The following GCNA variants were observed in gnomAD, a reference collection of about 807,000 sequenced individuals.
The protein encoded by GCNA is germ cell nuclear acidic peptidase.
GCNA carries 3 observed loss-of-function variants against 38.8 expected under a neutral mutation model. That is an observed-to-expected ratio of 0.08 (90% CI 0.04 to 0.20). GCNA has a LOEUF of 0.20. GCNA is among the 10% of genes least tolerant of loss of function. GCNA has a pLI of 1.00. For synonymous variants in GCNA, 195 were observed against 240.2 expected (o/e 0.81, Z 1.74); for missense variants, 446 against 578.6 (o/e 0.77, Z 2.35).
intron 1 of GCNA, among the ~76,000 whole-genome samples, chrX:71,578,881 G>A (rs767206675): frequency 1.9e-5 from 2 of 107,765 alleles, no homozygotes; most frequent in African/African-American, 3.4e-5. Flanking sequence ...TGGTGGTGGC[G>A]TAGAAGGAGG....
Position 71,610,800 on chromosome X carries a change from G to A in GCNA, c.1731G>A (p.Leu577=), listed in dbSNP as rs752038438. ...WRRFAKIQIG[L]KVCDSADRIR... is the part of the protein sequence containing the mutation. Reference sequence around the variant, plus strand: ...GCTTTGCCAAGATCCAGATTGGCTTGAAAGTCTGCGACTCTGCAGGTGATG... The same window carrying A: ...GCTTTGCCAAGATCCAGATTGGCTTAAAAGTCTGCGACTCTGCAGGTGATG... The change falls in exon 11 of 13, where the codon TTG becomes TTA. Residue 577 remains leucine (L), a synonymous_variant. Coordinates refer to ENST00000373696, the MANE Select transcript of GCNA (RefSeq NM_052957.5). 11 of 1,210,163 alleles carry A rather than the reference G, an allele frequency of 9.1e-6. No homozygotes were observed. The highest frequency in any genetic ancestry group is 1.1e-5 in the Non-Finnish European group (10 of 894,857).
intron 2 of GCNA, among the ~76,000 whole-genome samples, chrX:71,584,126 G>T (rs2040567349): frequency 9.0e-6 from 1 of 111,582 alleles, no homozygotes. Flanking sequence ...GGGATTACAG[G>T]TGTGAGCCAC....
chrX:71,612,471 A>G lies in GCNA; in HGVS notation c.1867A>G (p.Ile623Val). The change falls in exon 12 of 13, where the codon ATA becomes GTA. Residue 623 changes from isoleucine (I) to valine (V), a missense_variant. Ile to Val is a conservative substitution (Grantham distance 29). Transcript: ENST00000373696. ...GTATTATGCCAGGAAATCCAACAGG[A>G]TACACCCGGAGCTGCCCAGGGTCAC... Reference protein sequence around the residue: ...WKYYARKSNRIHPELPRVTRC... With the variant: ...WKYYARKSNRVHPELPRVTRC... 2 of 1,209,574 alleles carry G rather than the reference A, an allele frequency of 1.7e-6. No homozygotes were observed. Among genetic ancestry groups the G allele is most frequent in the Non-Finnish European group, 2.2e-6 (2 of 894,667 alleles).
At chrX:71,612,796 T>C (rs2040822703) in intron 12 of GCNA, 66 bp from the exon 13 acceptor site, 2 of 1,180,474 alleles carry the variant, frequency 1.7e-6, no homozygotes, top group Admixed American at 4.8e-5. Context: ...AAGGCTAACA[T>C]CTCAGAGCTG....
chrX:71,584,714 C>G (rs1037016366), intron 2 of GCNA, among the ~76,000 whole-genome samples: 1 of 109,412 alleles, frequency 9.1e-6, no homozygotes, highest in Admixed American at 9.7e-5. Context: ...AATACAAAAA[C>G]AAATTTAGCT....
At chrX:71,583,692 CTT>C (rs753557808) in intron 2 of GCNA, among the ~76,000 whole-genome samples, 15 of 72,615 alleles carry the variant, frequency 2.1e-4, no homozygotes, top group East Asian at 1.6e-3. Context: ...CTATTATATT[CTT>C]TTTTTTTTTT....
At chrX:71,590,742 C>T (rs1362468051) in intron 2 of GCNA, among the ~76,000 whole-genome samples, 1 of 108,671 alleles carries the variant, frequency 9.2e-6, no homozygotes, top group Non-Finnish European at 1.9e-5. Context: ...AGTGTAGTGG[C>T]GTGGATCTTG....
chrX:71,579,801 G>A (rs1341044204), intron 1 of GCNA, among the ~76,000 whole-genome samples: 1 of 107,220 alleles, frequency 9.3e-6, no homozygotes, highest in African/African-American at 3.4e-5. Context: ...AGGGTGGTGG[G>A]GTTGAGGCCT....
At chrX:71,602,303 C>T (rs188633502) in intron 7 of GCNA, among the ~76,000 whole-genome samples, 1 of 111,636 alleles carries the variant, frequency 9.0e-6, no homozygotes, top group East Asian at 2.8e-4. Flanking sequence ...TCGCCTGCCT[C>T]AGCCTCCCAA....
intron 2 of GCNA, among the ~76,000 whole-genome samples, chrX:71,589,214 G>A (rs922011460): frequency 9.2e-6 from 1 of 108,539 alleles, no homozygotes; most frequent in African/African-American, 3.3e-5. Context: ...GCCTTCCAAT[G>A]TTATTTCTTA....
At chrX:71,608,938 A>G (rs750504119) in intron 9 of GCNA, 35 bp from the exon 10 acceptor site, 17 of 1,195,329 alleles carry the variant, frequency 1.4e-5, no homozygotes, top group Non-Finnish European at 1.9e-5. Context: ...CTCTCTCTTT[A>G]GCTACATAAA....
intron 2 of GCNA, among the ~76,000 whole-genome samples, 158 bp downstream of exon 2, chrX:71,581,038 A>C (rs1263204124): frequency 8.9e-6 from 1 of 112,247 alleles, no homozygotes; most frequent in Non-Finnish European, 1.9e-5. Context: ...ACAAACTAGG[A>C]GTCCAGCCTC....
At chrX:71,610,864 C>T in intron 11 of GCNA, 45 bp downstream of exon 11, 2 of 1,201,737 alleles carry the variant, frequency 1.7e-6, no homozygotes, top group Non-Finnish European at 2.2e-6. Context: ...CTCTTTCCTT[C>T]TGACACCGTG....
intron 7 of GCNA, among the ~76,000 whole-genome samples, chrX:71,602,311 C>T (rs967568984): frequency 9.0e-6 from 1 of 111,274 alleles, no homozygotes; most frequent in African/African-American, 3.3e-5. Context: ...CTCAGCCTCC[C>T]AAGTAGCTGG....
chrX:71,609,061 G>T lies in GCNA; in HGVS notation c.1555G>T (p.Asp519Tyr). 8.3e-6 allele frequency: 10 copies of T among 1,211,130 alleles called. No homozygotes were observed. Among genetic ancestry groups the T allele is most frequent in the Non-Finnish European group, 1.1e-5 (10 of 895,243 alleles). Residue 519 changes from aspartate to tyrosine, a missense_variant, in exon 10 of 13, where the codon GAT becomes TAT. Around this residue, in one of 7 missense-constraint regions of GCNA, gnomAD observed 160 missense variants for 165.2 expected, o/e 0.97. Coordinates refer to ENST00000373696, the MANE Select transcript of GCNA (RefSeq NM_052957.5). Reference protein sequence around the residue: ...YSGKNLKRNKDELVQRIYDLF... With the variant: ...YSGKNLKRNKYELVQRIYDLF... Reference sequence around the variant, plus strand: ...TGGAAAAAATTTAAAGCGAAATAAGGATGAATTGGTTCAGAGAATCTACGA... The same window carrying T: ...TGGAAAAAATTTAAAGCGAAATAAGTATGAATTGGTTCAGAGAATCTACGA...
intron 7 of GCNA, among the ~76,000 whole-genome samples, chrX:71,601,709 C>A (rs1304943082): frequency 5.4e-5 from 6 of 110,647 alleles, no homozygotes; most frequent in Non-Finnish European, 1.1e-4. Context: ...CCATGCCTGG[C>A]TAATTTTTGT....
chrX:71,579,055 C>T (rs1345332328), intron 1 of GCNA, among the ~76,000 whole-genome samples: 3 of 97,258 alleles, frequency 3.1e-5, no homozygotes, highest in African/African-American at 1.2e-4. Flanking sequence ...GCACCATTGG[C>T]GGCCTTGGGG....
At chrX:71,598,679 T>C (rs2040690473) in intron 7 of GCNA, among the ~76,000 whole-genome samples, 1 of 110,490 alleles carries the variant, frequency 9.1e-6, no homozygotes, top group Non-Finnish European at 1.9e-5. Context: ...ACCTACCTGC[T>C]CGGTGGGGGA....
At chrX:71,580,946 G>C (rs2040542557) in intron 2 of GCNA, 66 bp downstream of exon 2, 1 of 1,025,822 alleles carries the variant, frequency 9.7e-7, no homozygotes, top group Non-Finnish European at 1.3e-6. Flanking sequence ...CAGCTTTCTC[G>C]AGAAGTATGT....
Sources: gnomAD v4.1 joint callset for allele counts (sites outside exome capture counted in the v4.1 genomes callset) on GRCh38, gnomAD v4.1.1 for gene constraint, gnomAD v4.1.1 regional missense constraint, MANE v1.5 for transcripts, NCBI Gene and HGNC (gene_info 2026-07-23, HGNC 2026-07-21) for gene names.